The following NPSR1 variants were observed in gnomAD, a reference collection of about 807,000 sequenced individuals.
The protein encoded by NPSR1 is neuropeptide S receptor.
A neutral mutation model predicts 46.9 loss-of-function variants in NPSR1; 48 were observed. The observed-to-expected ratio is 1.02, with a 90% CI of 0.81 to 1.30. The LOEUF (loss-of-function observed/expected upper bound fraction) is 1.30, where lower values mean the gene tolerates loss of function less well. Ranked by LOEUF, NPSR1 falls within the 50% of genes most tolerant of loss-of-function variation. The pLI, the probability that NPSR1 is intolerant of heterozygous loss-of-function variation, is 0.00. For synonymous variants in NPSR1, 176 were observed against 168.1 expected, an observed-to-expected ratio of 1.05 and a Z score of -0.36; for missense variants, 450 against 449.5, an observed-to-expected ratio of 1.00 and a Z score of -0.01.
At chr7:34,833,772 C>T (rs1022567556) in intron 5 of NPSR1, among the ~76,000 whole-genome samples, 1 of 152,174 alleles carries the variant, frequency 6.6e-6, no homozygotes, top group Non-Finnish European at 1.5e-5. Flanking sequence ...AGGCTCTTTT[C>T]CAAGCTCCCT....
intron 2 of NPSR1, among the ~76,000 whole-genome samples, chr7:34,700,486 C>T (rs1430512077): frequency 6.6e-6 from 1 of 152,152 alleles, no homozygotes; most frequent in African/African-American, 2.4e-5. Context: ...TCAGAGAAGA[C>T]ATACAAATCC....
chr7:34,737,690 T>A (rs1268405873), intron 2 of NPSR1, among the ~76,000 whole-genome samples: 1 of 152,236 alleles, frequency 6.6e-6, no homozygotes, highest in Non-Finnish European at 1.5e-5. Flanking sequence ...TTCGATCCTA[T>A]GAATTGCTTC....
chr7:34,849,815 T>G lies in NPSR1; in HGVS notation c.*160T>G. On this transcript the variant is annotated 3_prime_UTR_variant, in exon 9 of 9. Coordinates refer to ENST00000360581, the MANE Select transcript of NPSR1 (RefSeq NM_207172.2). ...ATGTTCTAATGACTGCATGCACTGCTTAAGTATTGGCCAACACGAACTCCC... is the reference window on the plus strand; with the variant it reads ...ATGTTCTAATGACTGCATGCACTGCGTAAGTATTGGCCAACACGAACTCCC... The G allele has an allele frequency of 7.0e-7, 1 of 1,423,890 alleles. No individual in the cohort carries two copies. The highest frequency in any genetic ancestry group is 9.2e-7 in the Non-Finnish European group (1 of 1,089,236). 88.2% of individuals were successfully genotyped at this position (1,423,890 alleles called of 1,614,324 possible).
At chr7:34,855,878 C>A (rs142539047) in intron 8 of NPSR1, among the ~76,000 whole-genome samples, 6 of 152,094 alleles carry the variant, frequency 3.9e-5, no homozygotes, top group Non-Finnish European at 8.8e-5. Context: ...TCACTCAACT[C>A]GTTACATTAA....
chr7:34,750,043 A>C (rs1229728996), intron 2 of NPSR1, among the ~76,000 whole-genome samples: 1 of 152,146 alleles, frequency 6.6e-6, no homozygotes, highest in African/African-American at 2.4e-5. Flanking sequence ...ACTGGCAAAC[A>C]TATATTCCAA....
intron 2 of NPSR1, among the ~76,000 whole-genome samples, chr7:34,725,005 C>T (rs759652909): frequency 3.3e-5 from 5 of 151,668 alleles, no homozygotes; most frequent in Non-Finnish European, 5.9e-5. Flanking sequence ...ACCAAGCTAC[C>T]CAAATGGATG....
At chr7:34,798,483 C>G (rs1476691542) in intron 3 of NPSR1, among the ~76,000 whole-genome samples, 4 of 151,992 alleles carry the variant, frequency 2.6e-5, no homozygotes, top group Admixed American at 1.3e-4. Flanking sequence ...TGCAGTGATC[C>G]AAGATTGTAC....
intron 4 of NPSR1, among the ~76,000 whole-genome samples, chr7:34,814,243 A>G (rs1374176839): frequency 6.6e-6 from 1 of 152,220 alleles, no homozygotes; most frequent in African/African-American, 2.4e-5. Flanking sequence ...AGACAAGGAG[A>G]TTCTCTCCCA....
At chr7:34,875,557 G>C (rs1791554621) in intron 8 of NPSR1, among the ~76,000 whole-genome samples, 1 of 152,168 alleles carries the variant, frequency 6.6e-6, no homozygotes, top group African/African-American at 2.4e-5. Context: ...TTGGCCTAGA[G>C]ATCCCCAAAT....
intron 3 of NPSR1, among the ~76,000 whole-genome samples, chr7:34,797,612 G>C (rs1394824154): frequency 6.6e-6 from 1 of 152,086 alleles, no homozygotes; most frequent in Non-Finnish European, 1.5e-5. Context: ...AGAAGTATTT[G>C]AAGAAATAAA....
intron 2 of NPSR1, among the ~76,000 whole-genome samples, chr7:34,731,710 T>C (rs1784424093): frequency 6.6e-6 from 1 of 152,186 alleles, no homozygotes; most frequent in African/African-American, 2.4e-5. Flanking sequence ...GATTGGTTTT[T>C]CACTACTTTA....
At chr7:34,714,012 T>C (rs1224232652) in intron 2 of NPSR1, among the ~76,000 whole-genome samples, 1 of 152,264 alleles carries the variant, frequency 6.6e-6, no homozygotes, top group Non-Finnish European at 1.5e-5. Flanking sequence ...GTCAAGAATT[T>C]AAGTGGAATA....
intron 8 of NPSR1, among the ~76,000 whole-genome samples, chr7:34,872,958 T>A (rs1791493194): frequency 6.6e-6 from 1 of 150,552 alleles, no homozygotes; most frequent in South Asian, 2.1e-4. Flanking sequence ...CTTGCACATA[T>A]AAACACTGGC....
chr7:34,824,835 CA>C, intron 4 of NPSR1, among the ~76,000 whole-genome samples: 2 of 152,098 alleles, frequency 1.3e-5, no homozygotes. Flanking sequence ...TAATGTCACC[CA>C]GGACCATAGA....
chr7:34,692,024 G>T (rs1368073681), intron 2 of NPSR1, among the ~76,000 whole-genome samples: 1 of 152,150 alleles, frequency 6.6e-6, no homozygotes, highest in East Asian at 1.9e-4. Flanking sequence ...TAAGCAACTT[G>T]CAAGGCTGAG....
chr7:34,795,236 T>A (rs180740253), intron 3 of NPSR1, among the ~76,000 whole-genome samples: 3 of 152,182 alleles, frequency 2.0e-5, no homozygotes, highest in South Asian at 2.1e-4. Flanking sequence ...TCAAAAAAAA[T>A]TCAGTAAACT....
chr7:34,792,703 A>ATATATATATATTTATATATATATATG (rs1554331542), intron 3 of NPSR1, among the ~76,000 whole-genome samples: 38 of 88,410 alleles, frequency 4.3e-4, no homozygotes, highest in East Asian at 1.7e-3. Flanking sequence ...ATATATACGT[A>ATATATATATATTTATATATATATATG]TATATATATA....
intron 3 of NPSR1, among the ~76,000 whole-genome samples, chr7:34,808,788 T>C (rs1260160113): frequency 6.6e-6 from 1 of 152,170 alleles, no homozygotes; most frequent in Non-Finnish European, 1.5e-5. Context: ...ACTCTGAACA[T>C]GTTGTTATAG....
chr7:34,810,085 C>A (rs1788907449), intron 3 of NPSR1, among the ~76,000 whole-genome samples: 1 of 152,164 alleles, frequency 6.6e-6, no homozygotes, highest in Admixed American at 6.5e-5. Flanking sequence ...TAAAGAACCA[C>A]AATGTGCTTG....
Sources: allele counts gnomAD v4.1 joint callset (sites outside exome capture counted in the v4.1 genomes callset), GRCh38; gene constraint gnomAD v4.1.1; transcripts MANE v1.5; gene names NCBI Gene and HGNC (gene_info 2026-07-23, HGNC 2026-07-21).